Variants in CEMIP observed in about 807,000 individuals in gnomAD.
The protein encoded by CEMIP is cell migration-inducing and hyaluronan-binding protein.
A neutral mutation model predicts 156.9 loss-of-function variants in CEMIP; 105 were observed. The ratio of observed to expected loss-of-function variants is 0.67; its 90% CI spans 0.57 to 0.79. The LOEUF is 0.79. CEMIP is among the 30% of genes least tolerant of loss of function. The probability of loss-of-function intolerance (pLI) is 0.00; values close to 1 mark genes in which losing one functional copy is unlikely to be tolerated. For missense variants in CEMIP, 1,457 were observed against 1,769.4 expected (o/e 0.82, Z 3.17); for synonymous variants, 676 against 668.4 (o/e 1.01, Z -0.17).
intron 12 of CEMIP, among the ~76,000 whole-genome samples, chr15:80,903,890 G>A (rs547853501): frequency 6.6e-6 from 1 of 152,328 alleles, no homozygotes; most frequent in East Asian, 1.9e-4. Flanking sequence ...GGAAGGAAAG[G>A]TTTTTCTGTG....
chr15:80,824,240 A>T (rs1896977946), intron 1 of CEMIP, among the ~76,000 whole-genome samples: 1 of 152,136 alleles, frequency 6.6e-6, no homozygotes, highest in Non-Finnish European at 1.5e-5. Context: ...TTTATATTTC[A>T]TGGCTGTGCT....
chr15:80,830,621 G>GT (rs1203402099), intron 1 of CEMIP, among the ~76,000 whole-genome samples: 1 of 151,932 alleles, frequency 6.6e-6, no homozygotes, highest in African/African-American at 2.4e-5. Flanking sequence ...TTGTGTTTTT[G>GT]TTTTTTTTAA....
intron 13 of CEMIP, among the ~76,000 whole-genome samples, chr15:80,908,479 A>G (rs1041127181): frequency 6.6e-6 from 1 of 152,180 alleles, no homozygotes; most frequent in African/African-American, 2.4e-5. Flanking sequence ...GGCACCCTGG[A>G]GGGCAGGAGT....
intron 17 of CEMIP, 116 bp downstream of exon 17, chr15:80,922,253 A>C: frequency 7.3e-7 from 1 of 1,364,882 alleles, no homozygotes; most frequent in Non-Finnish European, 1.0e-6. Flanking sequence ...TGCATTCTTA[A>C]TGCTGGTCTC....
intron 12 of CEMIP, among the ~76,000 whole-genome samples, chr15:80,905,853 C>T (rs1899778206): frequency 6.6e-6 from 1 of 152,076 alleles, no homozygotes; most frequent in African/African-American, 2.4e-5. Flanking sequence ...ATCCTCTCCA[C>T]CGACACCAGA....
At chr15:80,844,541 C>A (rs1386820638) in intron 1 of CEMIP, among the ~76,000 whole-genome samples, 2 of 152,174 alleles carry the variant, frequency 1.3e-5, no homozygotes, top group Non-Finnish European at 1.5e-5. Context: ...AAACCACCCC[C>A]CAGATGACTC....
chr15:80,881,812 A>T (rs1352579960), intron 6 of CEMIP, among the ~76,000 whole-genome samples: 1 of 152,208 alleles, frequency 6.6e-6, no homozygotes, highest in East Asian at 1.9e-4. Flanking sequence ...AAAAGCAAAG[A>T]TGGTGCAGGG....
At chr15:80,866,387 C>T (rs2141783556) in intron 1 of CEMIP, among the ~76,000 whole-genome samples, 1 of 152,070 alleles carries the variant, frequency 6.6e-6, no homozygotes, top group South Asian at 2.1e-4. Flanking sequence ...GTCAGGAGTT[C>T]AAGACCAGCC....
chr15:80,881,197 C>A, intron 6 of CEMIP, 61 bp downstream of exon 6: 1 of 1,462,534 alleles, frequency 6.8e-7, no homozygotes, highest in South Asian at 1.1e-5. Flanking sequence ...ATTGAGTGTG[C>A]TCCCTGGCCA....
chr15:80,818,491 T>A (rs1412882574), intron 1 of CEMIP, among the ~76,000 whole-genome samples: 4 of 152,226 alleles, frequency 2.6e-5, no homozygotes, highest in Non-Finnish European at 5.9e-5. Flanking sequence ...GTACTTAGAA[T>A]TAGCTCCAAA....
chr15:80,783,602 G>A (rs78283691), intron 1 of CEMIP, among the ~76,000 whole-genome samples: 8,811 of 152,240 alleles, frequency 0.058, 626 homozygotes, highest in East Asian at 0.41. Context: ...CTATTCAGCT[G>A]GGCCTGAACC....
intron 14 of CEMIP, among the ~76,000 whole-genome samples, chr15:80,915,156 G>A (rs192127723): frequency 6.6e-6 from 1 of 152,338 alleles, no homozygotes; most frequent in African/African-American, 2.4e-5. Flanking sequence ...GGGAGGTTCA[G>A]AATCTTGTGG....
chr15:80,840,133 G>A (rs759968445), intron 1 of CEMIP, among the ~76,000 whole-genome samples: 6 of 152,212 alleles, frequency 3.9e-5, no homozygotes, highest in Non-Finnish European at 7.4e-5. Flanking sequence ...TAAGTCCCAA[G>A]GTGCTTCCTA....
intron 19 of CEMIP, among the ~76,000 whole-genome samples, chr15:80,926,766 TAAAAAAGTC>T (rs1567105130): frequency 8.7e-6 from 1 of 115,330 alleles, no homozygotes; most frequent in East Asian, 2.8e-4. Context: ...AATTTTTTTT[TAAAAAAGTC>T]AAAAAAGCAA....
intron 14 of CEMIP, among the ~76,000 whole-genome samples, chr15:80,915,025 C>A (rs1178749863): frequency 6.6e-6 from 1 of 152,148 alleles, no homozygotes; most frequent in Admixed American, 6.5e-5. Flanking sequence ...GCCACAAGAC[C>A]AGATGAGCCA....
At chr15:80,945,405 A>G (rs553378541) in intron 28 of CEMIP, among the ~76,000 whole-genome samples, 1 of 152,372 alleles carries the variant, frequency 6.6e-6, no homozygotes, top group Admixed American at 6.5e-5. Context: ...CTGAGCTCCA[A>G]CAAAGGACCA....
intron 1 of CEMIP, among the ~76,000 whole-genome samples, chr15:80,813,676 C>T (rs1357360262): frequency 6.6e-6 from 1 of 152,040 alleles, no homozygotes; most frequent in Admixed American, 6.6e-5. Flanking sequence ...AGAGTAGGAA[C>T]CTGAAGCACT....
At chr15:80,843,378 A>G (rs1404717049) in intron 1 of CEMIP, among the ~76,000 whole-genome samples, 1 of 152,230 alleles carries the variant, frequency 6.6e-6, no homozygotes, top group East Asian at 1.9e-4. Context: ...TGCTTTGAAT[A>G]TATCAGTCAA....
intron 1 of CEMIP, among the ~76,000 whole-genome samples, chr15:80,813,291 G>A (rs1214690607): frequency 2.6e-5 from 4 of 151,966 alleles, no homozygotes. Context: ...TCAGTGTTCA[G>A]CAAGTGTTAG....
Sources: gnomAD v4.1 joint callset for allele counts (sites outside exome capture counted in the v4.1 genomes callset) on GRCh38, gnomAD v4.1.1 for gene constraint, MANE v1.5 for transcripts, NCBI Gene and HGNC (gene_info 2026-07-23, HGNC 2026-07-21) for gene names.